The following MYH7 variants were observed in gnomAD, a reference collection of about 807,000 sequenced individuals.
MYH7 encodes myosin heavy chain 7.
In MYH7, 129 loss-of-function variants were observed where a neutral mutation model predicts 225.4. The ratio of observed to expected loss-of-function variants is 0.57; its 90% CI spans 0.50 to 0.66. MYH7 has a LOEUF of 0.66. Ranked by LOEUF, MYH7 falls within the 30% of genes least tolerant of loss-of-function variation. The pLI is 0.00. For synonymous variants in MYH7, 971 were observed against 1,007.6 expected (o/e 0.96, Z 0.69); for missense variants, 1,649 against 2,517.0 (o/e 0.66, Z 7.38).
chr14:23,418,507 C>T (rs1474757048), intron 29 of MYH7, 101 bp from the exon 30 acceptor site: 6 of 1,373,572 alleles, frequency 4.4e-6, no homozygotes, highest in African/African-American at 2.9e-5. Context: ...ATCCCTTGGC[C>T]TCATCTATGT....
chr14:23,428,982 C>T lies in MYH7; in HGVS notation c.1380G>A (p.Leu460=), dbSNP rs1892810104. ...CGAAGATCTCGAAGCCAGCGATGTC[C>T]AGGACTCCTATGAAGTACTGGCGTG... is the stretch of plus-strand genomic sequence containing the variant. ...KQPRQYFIGV[L]DIAGFEIFDF... The change falls in exon 14 of 40, where the codon CTG becomes CTA. Residue 460 remains leucine, a synonymous_variant. Coordinates refer to ENST00000355349, the MANE Select transcript of MYH7 (RefSeq NM_000257.4). 1 of 1,614,078 alleles carries T rather than the reference C, an allele frequency of 6.2e-7. No homozygotes were observed. Among genetic ancestry groups the T allele is most frequent in the African/African-American group, 1.3e-5 (1 of 74,912 alleles).
In MYH7 at chr14:23,413,990, C is replaced by T. The variant is rs1892078964; in HGVS notation, c.5655+17G>A. 7 of 1,614,044 alleles carry T rather than the reference C, an allele frequency of 4.3e-6. No homozygotes were observed. The South Asian group carries it at 7.7e-5, about 18-fold the overall frequency. On this transcript the variant is annotated intron_variant, in intron 38 of 39. Coordinates refer to ENST00000355349, the MANE Select transcript of MYH7 (RefSeq NM_000257.4). Reference sequence around the variant, plus strand: ...CCTATGCCTCCCCTGGGCCTAGTCCCCAGCAGGGTCACTCACCGCCTCCTC... The same window carrying T: ...CCTATGCCTCCCCTGGGCCTAGTCCTCAGCAGGGTCACTCACCGCCTCCTC...
chr14:23,417,126 C>A (rs756161413), intron 32 of MYH7, 27 bp downstream of exon 32: 1 of 1,614,154 alleles, frequency 6.2e-7, no homozygotes, highest in Non-Finnish European at 8.5e-7. Context: ...TGCAGCCCCT[C>A]CCCAGCCTCT....
At chr14:23,417,099 T>C (rs2138644966) in intron 32 of MYH7, 54 bp downstream of exon 32, 2 of 1,614,050 alleles carry the variant, frequency 1.2e-6, no homozygotes, top group East Asian at 4.5e-5. Flanking sequence ...GGTGGCACCA[T>C]ATGGGAACAC....
chr14:23,431,621 A>T lies in MYH7; in HGVS notation c.696T>A (p.Asn232Lys). Reference sequence around the variant, plus strand: ...AGTTGTCGTTCCGGACGGTCTTGGCATTGCCAAAGGCCTCCAGAGCAGGGT... The same window carrying T: ...AGTTGTCGTTCCGGACGGTCTTGGCTTTGCCAAAGGCCTCCAGAGCAGGGT... ...QANPALEAFG[N>K]AKTVRNDNSS... The change falls in exon 8 of 40, where the codon AAT (asparagine) becomes AAA (lysine). Residue 232 changes from asparagine (N) to lysine (K), a missense_variant. Physicochemically the swap from Asn to Lys is moderately conservative, Grantham distance 94 (BLOSUM62 0). Transcript: ENST00000355349. 1 of 1,614,236 alleles carries T rather than the reference A, an allele frequency of 6.2e-7. No individual in the cohort carries two copies. Among genetic ancestry groups the T allele is most frequent in the South Asian group, 1.1e-5 (1 of 91,088 alleles).
chr14:23,428,261 G>A (rs1254225833), intron 15 of MYH7, among the ~76,000 whole-genome samples: 1 of 152,178 alleles, frequency 6.6e-6, no homozygotes, highest in African/African-American at 2.4e-5. Context: ...AGGTGTGGGA[G>A]GTCATCATGC....
In MYH7 at chr14:23,419,165, T is replaced by C; in HGVS notation, c.3972+12A>G. The C allele has an allele frequency of 6.2e-7, 1 of 1,613,472 alleles. No individual in the cohort carries two copies. Among genetic ancestry groups the C allele is most frequent in the Non-Finnish European group, 8.5e-7 (1 of 1,179,448 alleles). ...CCTTGCTTGGGCCAGGTGGCCCGAGTCTAGCCCTTACCTTAACCTCCTCCT... is the reference window on the plus strand; with the variant it reads ...CCTTGCTTGGGCCAGGTGGCCCGAGCCTAGCCCTTACCTTAACCTCCTCCT... On this transcript the variant is annotated intron_variant, in intron 29 of 39. Coordinates refer to ENST00000355349, the MANE Select transcript of MYH7 (RefSeq NM_000257.4).
chr14:23,421,112 G>T, intron 25 of MYH7, 64 bp from the exon 26 acceptor site: 1 of 1,136,166 alleles, frequency 8.8e-7, no homozygotes, highest in South Asian at 1.2e-5. Flanking sequence ...GTCCACCAGT[G>T]GTTGAAAATG....
chr14:23,431,548 A>C (rs371622926), intron 8 of MYH7, 37 bp downstream of exon 8: 1 of 1,613,876 alleles, frequency 6.2e-7, no homozygotes, highest in African/African-American at 1.3e-5. Context: ...TTCCTCCACC[A>C]GTCCAAGTCC....
At position 23,419,456 on chromosome 14, in the gene MYH7, A is replaced by T. The variant is rs2277475; in HGVS notation, c.3853+27T>A. Reference sequence around the variant, plus strand: ...GGAGGTTGGGGAGACTGTGGTGGGAACCATGGAGCCCCTGCTCTAGGCTCA... The same window carrying T: ...GGAGGTTGGGGAGACTGTGGTGGGATCCATGGAGCCCCTGCTCTAGGCTCA... On this transcript the variant is annotated intron_variant, in intron 28 of 39. Transcript: ENST00000355349. 568,773 of 1,612,690 alleles carry T rather than the reference A, an allele frequency of 0.35. 107,807 individuals carry two copies. The highest frequency in any genetic ancestry group is 0.64 in the African/African-American group (47,540 of 74,788).
At position 23,419,907 on chromosome 14, in the gene MYH7, T is replaced by A. The variant is rs727504647; in HGVS notation, c.3664A>T (p.Ser1222Cys). ...RVKQKLEKEK[S>C]EFKLELDDVT... ...TCATCCAGCTCCAGCTTGAACTCGC[T>A]CTTCTCCTTCTCCAGCTTCTGCTTC... Residue 1222 changes from serine to cysteine, a missense_variant, in exon 27 of 40, where the codon AGC becomes TGC. Physicochemically the swap from Ser to Cys is moderately radical, Grantham distance 112. Coordinates refer to ENST00000355349, the MANE Select transcript of MYH7 (RefSeq NM_000257.4). The A allele has an allele frequency of 6.2e-7, 1 of 1,613,196 alleles. No individual in the cohort carries two copies. Among genetic ancestry groups the A allele is most frequent in the Non-Finnish European group, 8.5e-7 (1 of 1,179,504 alleles).
intron 18 of MYH7, 45 bp from the exon 19 acceptor site, chr14:23,426,126 T>G (rs977369539): frequency 6.2e-7 from 1 of 1,606,104 alleles, no homozygotes; most frequent in African/African-American, 1.3e-5. Flanking sequence ...AACACTGGAC[T>G]GAAGTTCTGG....
In MYH7 at chr14:23,416,928, C is replaced by T. The variant is rs1892237100; in HGVS notation, c.4584G>A (p.Lys1528=). The part of the protein sequence containing the change: ...SSGKTIHELE[K]VRKQLEAEKM... ...TCTCGGCCTCCAGCTGCTTTCGGAC[C>T]TTCTCCAGCTCATGGATAGTCTTTC... The change falls in exon 33 of 40, where the codon AAG becomes AAA. Residue 1528 remains lysine (K), a synonymous_variant. Transcript: ENST00000355349. 1 of 1,614,150 alleles carries T rather than the reference C, an allele frequency of 6.2e-7. No individual in the cohort carries two copies. The highest frequency in any genetic ancestry group is 8.5e-7 in the Non-Finnish European group (1 of 1,180,066).
intron 4 of MYH7, 46 bp from the exon 5 acceptor site, chr14:23,432,841 G>C (rs1377802540): frequency 6.2e-7 from 1 of 1,612,048 alleles, no homozygotes; most frequent in African/African-American, 1.3e-5. Context: ...CGAAGGGGGA[G>C]GGCTGGTGAT....
intron 24 of MYH7, 28 bp from the exon 25 acceptor site, chr14:23,422,353 T>C (rs1032211360): frequency 1.2e-6 from 2 of 1,613,988 alleles, no homozygotes; most frequent in Non-Finnish European, 8.5e-7. Flanking sequence ...CCAGGCCCAG[T>C]GAGGCAAAGC....
chr14:23,429,152 G>A (rs1892818861), intron 13 of MYH7, 48 bp from the exon 14 acceptor site: 2 of 1,614,070 alleles, frequency 1.2e-6, no homozygotes, highest in Non-Finnish European at 1.7e-6. Context: ...GTTGGGAAGA[G>A]TGAACTTGAA....
rs1005703927 is a variant in MYH7, at chr14:23,427,639, A to T, written c.1834T>A (p.Ser612Thr). 2.5e-6 allele frequency: 4 copies of T among 1,614,172 alleles called. No homozygotes were observed. Among genetic ancestry groups the T allele is most frequent in the Non-Finnish European group, 2.5e-6 (3 of 1,180,024 alleles). The change falls in exon 16 of 40, where the codon TCT (serine) becomes ACT (threonine). Residue 612 changes from serine (S) to threonine (T), a missense_variant. Coordinates refer to ENST00000355349, the MANE Select transcript of MYH7 (RefSeq NM_000257.4). ...AGGGTGCTGAGCAGCTTGAGGGAAGACTTCTGATACAAGCCCACGACAGTC... is the reference window on the plus strand; with the variant it reads ...AGGGTGCTGAGCAGCTTGAGGGAAGTCTTCTGATACAAGCCCACGACAGTC... ...NETVVGLYQK[S>T]SLKLLSTLFA...
chr14:23,415,295 A>G lies in MYH7; in HGVS notation c.5284-25T>C. Reference sequence around the variant, plus strand: ...CCTGTGTGCAGGAGAGAGGTGGCACATGGTCTGGTCAAGTCCTCACACACT... The same window carrying G: ...CCTGTGTGCAGGAGAGAGGTGGCACGTGGTCTGGTCAAGTCCTCACACACT... On this transcript the variant is annotated intron_variant, in intron 36 of 39. Coordinates refer to ENST00000355349, the MANE Select transcript of MYH7 (RefSeq NM_000257.4). This position sits in a 1 kb window ranked among gnomAD's most constrained non-coding sequence, Gnocchi z 6.3. 6.2e-7 allele frequency: 1 copy of G among 1,614,216 alleles called. No homozygotes were observed. The highest frequency in any genetic ancestry group is 8.5e-7 in the Non-Finnish European group (1 of 1,180,048).
rs1362556791 is a variant in MYH7, at chr14:23,418,203, A to G, written c.4169+7T>C. ...CTCAGCCAGAAGTCAGGCTGCTCAGAACTCACTTGGCCTCCTCGAGCTCCT... is the reference window on the plus strand; with the variant it reads ...CTCAGCCAGAAGTCAGGCTGCTCAGGACTCACTTGGCCTCCTCGAGCTCCT... On this transcript the variant is annotated splice_region_variant and intron_variant, in intron 30 of 39. Transcript: ENST00000355349. The G allele has an allele frequency of 3.7e-6, 6 of 1,613,312 alleles. No homozygotes were observed. Among genetic ancestry groups the G allele is most frequent in the Non-Finnish European group, 4.2e-6 (5 of 1,180,014 alleles).
Sources: gnomAD v4.1 joint callset for allele counts (sites outside exome capture counted in the v4.1 genomes callset) on GRCh38, gnomAD v4.1.1 for gene constraint, Gnocchi (gnomAD v3.1) non-coding constraint, MANE v1.5 for transcripts, NCBI Gene and HGNC (gene_info 2026-07-23, HGNC 2026-07-21) for gene names.